The following NEGR1 variants were observed in gnomAD, a reference collection of about 807,000 sequenced individuals.
NEGR1 encodes IgLON family member 4.
NEGR1 carries 10 observed loss-of-function variants against 40.9 expected under a neutral mutation model. That is an observed-to-expected ratio of 0.24 (90% CI 0.15 to 0.42). The LOEUF (loss-of-function observed/expected upper bound fraction) is 0.42. Ranked by LOEUF, NEGR1 falls within the 10% of genes least tolerant of loss-of-function variation. The pLI is 1.00. For synonymous variants in NEGR1, 185 were observed against 166.8 expected (o/e 1.11, Z -0.84); for missense variants, 352 against 438.9 (o/e 0.80, Z 1.77).
chr1:71,648,981 G>A (rs1339471526), intron 4 of NEGR1, among the ~76,000 whole-genome samples: 1 of 151,970 alleles, frequency 6.6e-6, no homozygotes, highest in Non-Finnish European at 1.5e-5. Context: ...CTAGTTAAAT[G>A]CTTTCCCTGA....
At chr1:71,647,625 C>A (rs1651574915) in intron 4 of NEGR1, among the ~76,000 whole-genome samples, 1 of 151,918 alleles carries the variant, frequency 6.6e-6, no homozygotes, top group African/African-American at 2.4e-5. Context: ...TTCAACGATT[C>A]AAGTGAGAGC....
At chr1:71,768,243 A>G (rs924620259) in intron 3 of NEGR1, among the ~76,000 whole-genome samples, 1 of 152,172 alleles carries the variant, frequency 6.6e-6, no homozygotes, top group Non-Finnish European at 1.5e-5. Flanking sequence ...ACCACTCAAC[A>G]TTAGCCCATG....
At position 71,692,294 on chromosome 1, in the gene NEGR1, A is replaced by C. The variant is rs79534677; in HGVS notation, c.667+5714T>G. ...TCCAAATAAGTGTTAATTAGCTTAAAAAAAAACATAAAATACAGAAGAGTA... is the reference window on the plus strand; with the variant it reads ...TCCAAATAAGTGTTAATTAGCTTAACAAAAAACATAAAATACAGAAGAGTA... On this transcript the variant is annotated intron_variant, in intron 4 of 6. Transcript: ENST00000357731. 8.3e-3 allele frequency among the ~76,000 whole-genome samples: 1,257 copies of C among 151,860 alleles called. 46 individuals carry two copies. In the East Asian group the frequency reaches 0.12, roughly 14 times the overall value.
intron 2 of NEGR1, among the ~76,000 whole-genome samples, chr1:71,783,170 C>G (rs760801168): frequency 5.3e-5 from 8 of 152,034 alleles, no homozygotes; most frequent in Non-Finnish European, 7.3e-5. Flanking sequence ...ACAAGCTAGA[C>G]GTAACTATAA....
chr1:71,993,539 C>T (rs1646474368), intron 1 of NEGR1, among the ~76,000 whole-genome samples: 1 of 152,052 alleles, frequency 6.6e-6, no homozygotes, highest in African/African-American at 2.4e-5. Context: ...TTATGTAAAA[C>T]TGAATTGTTT....
At chr1:71,498,989 CCTCTGCTGACTACGGA>C (rs1485452121) in intron 6 of NEGR1, among the ~76,000 whole-genome samples, 1 of 152,132 alleles carries the variant, frequency 6.6e-6, no homozygotes, top group Admixed American at 6.6e-5. Flanking sequence ...AGTGAGAAAT[CCTCTGCTGACTACGGA>C]CTTCTGAGGC....
intron 2 of NEGR1, among the ~76,000 whole-genome samples, chr1:71,795,660 T>C (rs1330020789): frequency 6.6e-6 from 1 of 152,186 alleles, no homozygotes; most frequent in East Asian, 1.9e-4. Flanking sequence ...AAATGTTACG[T>C]TGTATAATAT....
intron 5 of NEGR1, among the ~76,000 whole-genome samples, chr1:71,601,783 A>G (rs1053723759): frequency 9.2e-5 from 14 of 152,130 alleles, no homozygotes; most frequent in African/African-American, 3.1e-4. Flanking sequence ...AAAATGGAAA[A>G]TAGACACTGA....
intron 4 of NEGR1, 63 bp downstream of exon 4, chr1:71,697,945 G>T: frequency 6.6e-7 from 1 of 1,509,016 alleles, no homozygotes. Flanking sequence ...ATTTCAGTCA[G>T]AATTTTTCAA....
intron 6 of NEGR1, among the ~76,000 whole-genome samples, chr1:71,564,456 C>A (rs1648556008): frequency 6.6e-6 from 1 of 151,956 alleles, no homozygotes; most frequent in Non-Finnish European, 1.5e-5. Flanking sequence ...TATTTTTGTA[C>A]CCACAAAAGA....
intron 1 of NEGR1, among the ~76,000 whole-genome samples, chr1:71,943,807 A>AT (rs1645994173): frequency 6.6e-6 from 1 of 152,156 alleles, no homozygotes; most frequent in Non-Finnish European, 1.5e-5. Context: ...GCATGGAAAT[A>AT]TTTTTTAAAT....
intron 6 of NEGR1, among the ~76,000 whole-genome samples, chr1:71,415,201 T>A (rs1455731002): frequency 6.6e-6 from 1 of 152,248 alleles, no homozygotes; most frequent in Non-Finnish European, 1.5e-5. Flanking sequence ...GACTGAAACT[T>A]GATAAACATA....
chr1:71,918,561 T>C (rs796503319), intron 2 of NEGR1, among the ~76,000 whole-genome samples: 16 of 152,268 alleles, frequency 1.1e-4, no homozygotes, highest in Admixed American at 3.3e-4. Context: ...AGACTTAAAG[T>C]AACTATTCCA....
intron 1 of NEGR1, among the ~76,000 whole-genome samples, chr1:72,038,846 G>A (rs1184265958): frequency 6.6e-6 from 1 of 151,988 alleles, no homozygotes; most frequent in Non-Finnish European, 1.5e-5. Context: ...GGTTCTTAAG[G>A]TATCACCATT....
chr1:71,575,295 A>G (rs1648927542), intron 6 of NEGR1, among the ~76,000 whole-genome samples: 1 of 152,232 alleles, frequency 6.6e-6, no homozygotes, highest in Non-Finnish European at 1.5e-5. Flanking sequence ...CAACCTTGAC[A>G]TCAAAGAAGA....
At chr1:71,520,534 A>G (rs1159950793) in intron 6 of NEGR1, among the ~76,000 whole-genome samples, 2 of 152,110 alleles carry the variant, frequency 1.3e-5, no homozygotes, top group Admixed American at 6.6e-5. Flanking sequence ...TAATATATAC[A>G]TTCTTTAATT....
chr1:71,997,596 G>A lies in NEGR1; in HGVS notation c.177-62285C>T, dbSNP rs1646516242. Among the ~76,000 whole-genome samples the A allele has an allele frequency of 2.0e-5, 3 of 151,798 alleles. No homozygotes were observed. In the South Asian group the frequency reaches 6.2e-4, roughly 31 times the overall value. On this transcript the variant is annotated intron_variant, in intron 1 of 6. Transcript: ENST00000357731. ...TCAACTCTCCTGTGAACTTCCTGGC[G>A]ACAGAAACAACACTATTTTTTGTGT...
chr1:71,755,364 A>G (rs1440835063), intron 3 of NEGR1, among the ~76,000 whole-genome samples: 2 of 152,154 alleles, frequency 1.3e-5, no homozygotes, highest in East Asian at 3.9e-4. Context: ...TTTCTCTGCA[A>G]CTCGTTCTCT....
chr1:72,183,472 C>G (rs573448439), intron 1 of NEGR1, among the ~76,000 whole-genome samples: 2 of 152,182 alleles, frequency 1.3e-5, no homozygotes, highest in African/African-American at 4.8e-5. Flanking sequence ...GTATAAGTGC[C>G]TAAAGTCTCT....
Sources: gnomAD v4.1 joint callset for allele counts (sites outside exome capture counted in the v4.1 genomes callset) on GRCh38, gnomAD v4.1.1 for gene constraint, MANE v1.5 for transcripts, NCBI Gene and HGNC (gene_info 2026-07-23, HGNC 2026-07-21) for gene names.